Variants in ARHGAP6 observed in about 807,000 individuals in gnomAD.
The protein encoded by ARHGAP6 is Rho GTPase activating protein 6.
ARHGAP6 carries 16 observed loss-of-function variants against 55.7 expected under a neutral mutation model. The observed-to-expected ratio is 0.29, with a 90% CI of 0.19 to 0.44. The LOEUF is 0.44. ARHGAP6 is among the 20% of genes least tolerant of loss of function. ARHGAP6 has a pLI of 1.00. For synonymous variants in ARHGAP6, 382 were observed against 360.9 expected (o/e 1.06, Z -0.66); for missense variants, 698 against 808.9 (o/e 0.86, Z 1.66).
chrX:11,415,916 C>G (rs2049741288), intron 1 of ARHGAP6, among the ~76,000 whole-genome samples: 1 of 111,640 alleles, frequency 9.0e-6, no homozygotes, highest in African/African-American at 3.3e-5. Flanking sequence ...CACTAGGATC[C>G]GTGATGGTTT....
chrX:11,468,455 T>G (rs1029711955), intron 1 of ARHGAP6, among the ~76,000 whole-genome samples: 1 of 112,051 alleles, frequency 8.9e-6, no homozygotes, highest in Non-Finnish European at 1.9e-5. Context: ...CCACCTCTGT[T>G]CCTTAAATCC....
At chrX:11,248,200 G>A (rs950654951) in intron 2 of ARHGAP6, among the ~76,000 whole-genome samples, 2 of 111,261 alleles carry the variant, frequency 1.8e-5, no homozygotes, top group Admixed American at 9.6e-5. Context: ...AAGAGAGTTT[G>A]CCCTTCTCAC....
chrX:11,204,956 C>T (rs1298547722), intron 2 of ARHGAP6, among the ~76,000 whole-genome samples: 1 of 111,927 alleles, frequency 8.9e-6, no homozygotes, highest in Non-Finnish European at 1.9e-5. Flanking sequence ...CATCCTGTTT[C>T]ATCTGGTAGT....
chrX:11,650,492 A>G (rs1486004798), intron 1 of ARHGAP6, among the ~76,000 whole-genome samples: 1 of 111,657 alleles, frequency 9.0e-6, no homozygotes, highest in East Asian at 2.8e-4. Flanking sequence ...CTATTTCTTG[A>G]TGAGGAAAGG....
Position 11,174,557 on chromosome X carries a change from C to T in ARHGAP6, c.1629+3543G>A, listed in dbSNP as rs1314154751. ...TCCTTCCTTCCTTCCTTCCTTCCTT[C>T]CTTCCTTCCTTCCTTCCTTTCTTTC... On this transcript the variant is annotated intron_variant, in intron 8 of 12. Transcript: ENST00000337414. Among the ~76,000 whole-genome samples the T allele has an allele frequency of 7.7e-4, 62 of 80,064 alleles. 1 individual carries two copies. The highest frequency in any genetic ancestry group is 2.2e-3 in the South Asian group (3 of 1,369). 69.5% of individuals were successfully genotyped at this position (80,064 alleles called of 115,157 possible).
chrX:11,526,089 A>T (rs1436549345), intron 1 of ARHGAP6, among the ~76,000 whole-genome samples: 1 of 112,031 alleles, frequency 8.9e-6, no homozygotes, highest in Admixed American at 9.5e-5. Flanking sequence ...ATTTGCATGC[A>T]AGCAGTTTAA....
At chrX:11,582,197 C>T in intron 1 of ARHGAP6, among the ~76,000 whole-genome samples, 1 of 110,919 alleles carries the variant, frequency 9.0e-6, no homozygotes. Context: ...TGCTGATGAC[C>T]AGTGGCAAAG....
Position 11,275,601 on chromosome X carries a change from A to G in ARHGAP6, c.589-20894T>C, listed in dbSNP as rs767981968. On this transcript the variant is annotated intron_variant, in intron 1 of 12. Coordinates refer to ENST00000337414, the MANE Select transcript of ARHGAP6 (RefSeq NM_013427.3). ...AGGCTGTCTCTCCCTACAAAGCAAAACTCATCTTGTCCCTTCCCTTTTGAA... is the reference window on the plus strand; with the variant it reads ...AGGCTGTCTCTCCCTACAAAGCAAAGCTCATCTTGTCCCTTCCCTTTTGAA... Among the ~76,000 whole-genome samples the G allele has an allele frequency of 4.5e-5, 5 of 110,732 alleles. No homozygotes were observed. The East Asian group carries it at 1.4e-3, about 32-fold the overall frequency.
In ARHGAP6 at chrX:11,300,651, C is replaced by T. The variant is rs369247345; in HGVS notation, c.589-45944G>A. Reference sequence around the variant, plus strand: ...GAGAGGGGAATGAATACTTCAGATGCTTTCAGGAGTGACACAAGAACACAA... The same window carrying T: ...GAGAGGGGAATGAATACTTCAGATGTTTTCAGGAGTGACACAAGAACACAA... On this transcript the variant is annotated intron_variant, in intron 1 of 12. Transcript: ENST00000337414. 9.5e-6 allele frequency: 11 copies of T among 1,162,385 alleles called. 1 individual carries two copies. The Admixed American group carries it at 1.1e-4, about 12-fold the overall frequency.
At chrX:11,491,465 C>T (rs1404892266) in intron 1 of ARHGAP6, among the ~76,000 whole-genome samples, 1 of 109,178 alleles carries the variant, frequency 9.2e-6, no homozygotes, top group East Asian at 2.9e-4. Flanking sequence ...TATGCGGTGT[C>T]TGGTTTTTTC....
chrX:11,541,392 G>T (rs929447698), intron 1 of ARHGAP6, among the ~76,000 whole-genome samples: 4 of 110,723 alleles, frequency 3.6e-5, no homozygotes, highest in Non-Finnish European at 7.6e-5. Context: ...CCCTGTGAGA[G>T]CCCAATAAAT....
chrX:11,141,864 A>G (rs2045624144), intron 12 of ARHGAP6, among the ~76,000 whole-genome samples: 1 of 112,721 alleles, frequency 8.9e-6, no homozygotes, highest in Admixed American at 9.4e-5. Flanking sequence ...AGTGTAACTT[A>G]TTACAACAAT....
chrX:11,581,952 G>A (rs985087445), intron 1 of ARHGAP6, among the ~76,000 whole-genome samples: 5 of 111,324 alleles, frequency 4.5e-5, no homozygotes, highest in Admixed American at 2.9e-4. Context: ...CTGCCTAGCC[G>A]GAGATATGAT....
At chrX:11,308,525 G>A (rs368076929) in intron 1 of ARHGAP6, among the ~76,000 whole-genome samples, 1 of 111,384 alleles carries the variant, frequency 9.0e-6, no homozygotes, top group Admixed American at 9.5e-5. Flanking sequence ...ATCAGTTATC[G>A]ATGTTATAGA....
At chrX:11,620,870 G>A (rs778232840) in intron 1 of ARHGAP6, among the ~76,000 whole-genome samples, 46 of 111,862 alleles carry the variant, frequency 4.1e-4, no homozygotes, top group African/African-American at 1.0e-3. Context: ...AGAATCATCC[G>A]GTCCAAAATG....
chrX:11,369,426 T>C (rs1470946022), intron 1 of ARHGAP6, among the ~76,000 whole-genome samples: 1 of 110,916 alleles, frequency 9.0e-6, no homozygotes, highest in Non-Finnish European at 1.9e-5. Context: ...CAAGTTTTCC[T>C]AGTTAGCCAT....
At chrX:11,361,892 A>G (rs1281054036) in intron 1 of ARHGAP6, among the ~76,000 whole-genome samples, 1 of 112,441 alleles carries the variant, frequency 8.9e-6, no homozygotes, top group Non-Finnish European at 1.9e-5. Flanking sequence ...CAGCCAAAAG[A>G]CACACGACAA....
intron 1 of ARHGAP6, among the ~76,000 whole-genome samples, chrX:11,387,431 C>T (rs1356474322): frequency 9.0e-6 from 1 of 111,711 alleles, no homozygotes; most frequent in African/African-American, 3.3e-5. Flanking sequence ...CCCAAACAGC[C>T]ACTTGCACCT....
At chrX:11,637,878 C>T (rs2052435384) in intron 1 of ARHGAP6, among the ~76,000 whole-genome samples, 1 of 110,335 alleles carries the variant, frequency 9.1e-6, no homozygotes, top group South Asian at 3.8e-4. Context: ...GGTAATAAAT[C>T]GTGATGAATT....
Sources: gnomAD v4.1 joint callset for allele counts (sites outside exome capture counted in the v4.1 genomes callset) on GRCh38, gnomAD v4.1.1 for gene constraint, MANE v1.5 for transcripts, NCBI Gene and HGNC (gene_info 2026-07-23, HGNC 2026-07-21) for gene names.